The following PMFBP1 variants were observed in gnomAD, a reference collection of about 807,000 sequenced individuals.
PMFBP1 encodes the protein polyamine-modulated factor 1-binding protein 1.
In PMFBP1, 131 loss-of-function variants were observed where a neutral mutation model predicts 137.8. The observed-to-expected ratio is 0.95, with a 90% confidence interval of 0.82 to 1.10. The LOEUF (loss-of-function observed/expected upper bound fraction) is 1.10. Ranked by LOEUF, PMFBP1 falls within the 50% of genes least tolerant of loss-of-function variation. The probability of loss-of-function intolerance (pLI) is 0.00; values close to 1 mark genes in which losing one functional copy is unlikely to be tolerated. For synonymous variants in PMFBP1, 490 were observed against 450.4 expected (o/e 1.09, Z -1.11); for missense variants, 1,199 against 1,175.4 (o/e 1.02, Z -0.29).
rs1458278668 is a variant in PMFBP1, at chr16:72,130,718, C to G, written c.1452G>C (p.Gln484His). 6.2e-7 allele frequency: 1 copy of G among 1,609,698 alleles called. No individual in the cohort carries two copies. The highest frequency in any genetic ancestry group is 1.3e-5 in the African/African-American group (1 of 74,802). The part of the protein sequence containing the change: ...EAKQQERLAA[Q>H]QAAQCKEEAA... ...CCTCTTCTTTGCACTGGGCTGCTTG[C>G]TGAGCTGCAGAAGCAGGGAGATGGC... Residue 484 changes from glutamine to histidine, a missense_variant, in exon 11 of 21, where the codon CAG becomes CAC. Coordinates refer to ENST00000237353, the MANE Select transcript of PMFBP1 (RefSeq NM_031293.3).
At chr16:72,238,967 T>C in the PMFBP1 span, among the ~76,000 whole-genome samples, 4 of 152,072 alleles carry the variant, frequency 2.6e-5, no homozygotes, top group African/African-American at 9.6e-5. Flanking sequence ...CAAATAATTA[T>C]CCTGTCAATT....
intron 18 of PMFBP1, 58 bp from the exon 19 acceptor site, chr16:72,123,046 G>T: frequency 6.7e-7 from 1 of 1,497,308 alleles, no homozygotes. Flanking sequence ...GCGAGCAAGG[G>T]TGCAGCTGGC....
At chr16:72,217,683 C>T in the PMFBP1 span, among the ~76,000 whole-genome samples, 2 of 152,166 alleles carry the variant, frequency 1.3e-5, no homozygotes, top group African/African-American at 2.4e-5. Context: ...GAAACCCCAT[C>T]TCTACTAAAA....
the PMFBP1 span, among the ~76,000 whole-genome samples, chr16:72,194,700 G>T: frequency 2.6e-5 from 4 of 152,176 alleles, no homozygotes; most frequent in African/African-American, 9.6e-5. Context: ...CACTGTTCAT[G>T]CTTTGGGCAG....
chr16:72,170,573 G>C (rs572079152), intron 2 of PMFBP1, among the ~76,000 whole-genome samples: 198 of 152,126 alleles, frequency 1.3e-3, no homozygotes, highest in Non-Finnish European at 2.4e-3. Flanking sequence ...GGGACCAAAA[G>C]AGCGTGCCAC....
the PMFBP1 span, among the ~76,000 whole-genome samples, chr16:72,220,177 G>A: frequency 6.6e-6 from 1 of 152,080 alleles, no homozygotes. Context: ...CAAATCCTCA[G>A]GTTATTCCAA....
chr16:72,131,798 T>G (rs187020157), intron 10 of PMFBP1, among the ~76,000 whole-genome samples: 1 of 152,304 alleles, frequency 6.6e-6, no homozygotes, highest in Admixed American at 6.5e-5. Flanking sequence ...CAAGCTTGGA[T>G]CTTATCTTAT....
At chr16:72,231,759 T>G in the PMFBP1 span, among the ~76,000 whole-genome samples, 1 of 152,164 alleles carries the variant, frequency 6.6e-6, no homozygotes, top group African/African-American at 2.4e-5. Flanking sequence ...GCTGCAAAAT[T>G]TTCTAAGTGT....
intron 9 of PMFBP1, among the ~76,000 whole-genome samples, 182 bp downstream of exon 9, chr16:72,136,266 T>C (rs1224345703): frequency 6.6e-6 from 1 of 152,132 alleles, no homozygotes; most frequent in Non-Finnish European, 1.5e-5. Flanking sequence ...ATTTATTATG[T>C]ATGATGAGAA....
upstream of PMFBP1, chr16:72,176,761 G>T (rs1357251713): frequency 6.6e-6 from 1 of 152,172 alleles, no homozygotes; most frequent in Non-Finnish European, 1.5e-5. Flanking sequence ...AATGCAAGCT[G>T]ACACTGACAA....
chr16:72,206,541 T>C, the PMFBP1 span, among the ~76,000 whole-genome samples: 1 of 152,204 alleles, frequency 6.6e-6, no homozygotes, highest in South Asian at 2.1e-4. Context: ...AACCACTTTC[T>C]GGGAAACTCA....
chr16:72,228,909 T>C, the PMFBP1 span, among the ~76,000 whole-genome samples: 3 of 151,508 alleles, frequency 2.0e-5, no homozygotes, highest in Admixed American at 6.6e-5. Context: ...GTTACATGAG[T>C]AAACTGGGTG....
chr16:72,144,651 T>C (rs977013688), intron 5 of PMFBP1, among the ~76,000 whole-genome samples: 30 of 152,230 alleles, frequency 2.0e-4, no homozygotes, highest in Middle Eastern at 3.4e-3. Flanking sequence ...AAATGCAAAA[T>C]TATAAAAGTG....
the PMFBP1 span, among the ~76,000 whole-genome samples, chr16:72,218,035 A>G: frequency 6.6e-6 from 1 of 152,340 alleles, no homozygotes; most frequent in South Asian, 2.1e-4. Flanking sequence ...CTGCTTATCC[A>G]TACAAGTGGC....
At position 72,154,524 on chromosome 16, in the gene PMFBP1, G is replaced by A. The variant is rs575635909; in HGVS notation, c.166-65C>T. The A allele has an allele frequency of 1.9e-5, 29 of 1,532,632 alleles. No individual in the cohort carries two copies. The African/African-American group carries it at 2.9e-4, about 15-fold the overall frequency. The allele number at this position is 1,532,632 out of a possible 1,614,324, so 94.9% of individuals were successfully genotyped here. ...ATCACTAAGGACGTATTCATTCCAG[G>A]ATTTTTTTTTCATTTGTTCAGTCAT... is the stretch of plus-strand genomic sequence containing the variant. On this transcript the variant is annotated intron_variant, in intron 3 of 20. Coordinates refer to ENST00000237353, the MANE Select transcript of PMFBP1 (RefSeq NM_031293.3).
chr16:72,190,030 A>G, the PMFBP1 span, among the ~76,000 whole-genome samples: 1 of 152,192 alleles, frequency 6.6e-6, no homozygotes, highest in Non-Finnish European at 1.5e-5. Flanking sequence ...AAAAAATCTC[A>G]AAAAACCAAT....
chr16:72,236,723 T>C, the PMFBP1 span, among the ~76,000 whole-genome samples: 1 of 152,218 alleles, frequency 6.6e-6, no homozygotes, highest in Non-Finnish European at 1.5e-5. Context: ...TGGCAAGTTG[T>C]ACACCTCACT....
the PMFBP1 span, among the ~76,000 whole-genome samples, chr16:72,232,689 T>C: frequency 6.6e-6 from 1 of 152,086 alleles, no homozygotes; most frequent in African/African-American, 2.4e-5. Context: ...AGAGGATAAG[T>C]ATTAACTTAT....
At chr16:72,186,549 G>C in the PMFBP1 span, among the ~76,000 whole-genome samples, 1 of 152,074 alleles carries the variant, frequency 6.6e-6, no homozygotes, top group Non-Finnish European at 1.5e-5. Flanking sequence ...AGCCATGAAG[G>C]TTTTCGAGCT....
Sources: gnomAD v4.1 joint callset for allele counts (sites outside exome capture counted in the v4.1 genomes callset) on GRCh38, gnomAD v4.1.1 for gene constraint, MANE v1.5 for transcripts, NCBI Gene and HGNC (gene_info 2026-07-23, HGNC 2026-07-21) for gene names.